Variants in MROH7 observed in about 807,000 individuals in gnomAD.
The protein encoded by MROH7 is maestro heat like repeat family member 7.
In MROH7, 113 loss-of-function variants were observed where a neutral mutation model predicts 129.2. The ratio of observed to expected loss-of-function variants is 0.87; its 90% CI spans 0.75 to 1.02. MROH7 has a LOEUF of 1.02. Ranked by LOEUF, MROH7 falls within the 50% of genes least tolerant of loss-of-function variation. The probability of loss-of-function intolerance (pLI) is 0.00; values close to 1 mark genes in which losing one functional copy is unlikely to be tolerated. For synonymous variants in MROH7, 655 were observed against 667.9 expected (o/e 0.98, Z 0.30); for missense variants, 1,601 against 1,671.3 (o/e 0.96, Z 0.73).
intron 14 of MROH7, among the ~76,000 whole-genome samples, chr1:54,683,909 C>T (rs6659406): frequency 0.22 from 33,998 of 152,152 alleles, 4,303 homozygotes; most frequent in Non-Finnish European, 0.27. Context: ...GCGTCACATA[C>T]TTTGTATGAA....
chr1:54,659,120 G>T (rs1376636980), intron 3 of MROH7: 1 of 442,378 alleles, frequency 2.3e-6, no homozygotes, highest in Non-Finnish European at 4.5e-6. Flanking sequence ...TTTAGATGGA[G>T]TTTCACTCTT....
chr1:54,656,460 A>C (rs1239967418), intron 3 of MROH7, among the ~76,000 whole-genome samples: 1 of 142,050 alleles, frequency 7.0e-6, no homozygotes, highest in East Asian at 2.2e-4. Context: ...CAGTGAGCCG[A>C]GATTGAGCCA....
In MROH7 at chr1:54,652,381, A is replaced by G. The variant is rs754753993; in HGVS notation, c.-75+398A>G. Among the ~76,000 whole-genome samples, 16 of 152,104 alleles carry G rather than the reference A, an allele frequency of 1.1e-4. 1 individual carries two copies. The highest frequency in any genetic ancestry group is 3.3e-4 in the Admixed American group (5 of 15,270). ...TCCTTCCCTTTTTCTGCCTTAAAGT[A>G]GAAGAGACTCCTCATTTGTCTATTT... On this transcript the variant is annotated intron_variant, in intron 2 of 23. Coordinates refer to ENST00000421030, the MANE Select transcript of MROH7 (RefSeq NM_001039464.4).
chr1:54,674,752 C>A (rs185115782), intron 10 of MROH7, among the ~76,000 whole-genome samples: 144 of 152,300 alleles, frequency 9.5e-4, no homozygotes, highest in African/African-American at 3.3e-3. Context: ...CCTAGAGGTG[C>A]ACAGTATCAG....
chr1:54,682,812 C>G lies in MROH7; in HGVS notation c.2520+18C>G. On this transcript the variant is annotated intron_variant, in intron 14 of 23. Coordinates refer to ENST00000421030, the MANE Select transcript of MROH7 (RefSeq NM_001039464.4). Reference sequence around the variant, plus strand: ...CCCTGGCGGTGAGCACCCAGTCAGCCAGCCCCTATTGCTGCCTGTCCTGCC... The same window carrying G: ...CCCTGGCGGTGAGCACCCAGTCAGCGAGCCCCTATTGCTGCCTGTCCTGCC... 1.2e-6 allele frequency: 2 copies of G among 1,606,502 alleles called. No homozygotes were observed. The highest frequency in any genetic ancestry group is 8.5e-7 in the Non-Finnish European group (1 of 1,178,674).
Position 54,653,540 on chromosome 1 carries a change from C to A in MROH7, c.614C>A (p.Thr205Asn). 1 of 1,614,160 alleles carries A rather than the reference C, an allele frequency of 6.2e-7. No individual in the cohort carries two copies. Among genetic ancestry groups the A allele is most frequent in the Non-Finnish European group, 8.5e-7 (1 of 1,180,030 alleles). ...AGCTCAAAAGCACTCCTTATTCCAA[C>A]CTCAAACTCTTCTCTGGACCTTGAC... ...RPSSKALLIPTSNSSLDLDSN... is the reference protein window; with the variant it reads ...RPSSKALLIPNSNSSLDLDSN... Residue 205 changes from threonine to asparagine, a missense_variant, in exon 3 of 24, where the codon ACC (threonine) becomes AAC (asparagine). Thr to Asn is a moderately conservative substitution (Grantham distance 65). Coordinates refer to ENST00000421030, the MANE Select transcript of MROH7 (RefSeq NM_001039464.4).
Position 54,702,656 on chromosome 1 carries a change from T to C in MROH7, c.3475T>C (p.Phe1159Leu), listed in dbSNP as rs377276727. The change falls in exon 21 of 24, where the codon TTC becomes CTC. Residue 1159 changes from phenylalanine to leucine, a missense_variant. Transcript: ENST00000421030. ...CVKTLLRCSY[F>L]MAWELPKRAY... is the part of the protein sequence containing the mutation. ...GAAGACCCTGTTACGCTGTTCTTAC[T>C]TCATGGCTTGGGAGTTGCCAAAAAG... is the stretch of plus-strand genomic sequence containing the variant. 4 of 1,613,930 alleles carry C rather than the reference T, an allele frequency of 2.5e-6. No individual in the cohort carries two copies. Among genetic ancestry groups the C allele is most frequent in the Non-Finnish European group, 2.5e-6 (3 of 1,179,882 alleles).
At chr1:54,693,665 G>A (rs576955197) in intron 16 of MROH7, among the ~76,000 whole-genome samples, 5 of 152,196 alleles carry the variant, frequency 3.3e-5, no homozygotes, top group African/African-American at 1.2e-4. Context: ...AGCTTCCCAC[G>A]GGGTCAAGAG....
intron 9 of MROH7, 79 bp downstream of exon 9, chr1:54,673,884 G>A: frequency 6.6e-7 from 1 of 1,521,524 alleles, no homozygotes; most frequent in South Asian, 1.1e-5. Context: ...TCTGTTCAGG[G>A]ATTCCCAGGT....
Position 54,678,841 on chromosome 1 carries a change from T to C in MROH7, c.2036T>C (p.Leu679Pro). 1.2e-6 allele frequency: 2 copies of C among 1,613,962 alleles called. No homozygotes were observed. The highest frequency in any genetic ancestry group is 1.7e-6 in the Non-Finnish European group (2 of 1,179,876). The change falls in exon 11 of 24, where the codon CTG becomes CCG. Residue 679 changes from leucine to proline, a missense_variant. Leu to Pro is a moderately conservative substitution (Grantham distance 98, BLOSUM62 -3). Coordinates refer to ENST00000421030, the MANE Select transcript of MROH7 (RefSeq NM_001039464.4). ...CCTGTGAGCCCGTGCCAGAACATTCTGCGGGTGATCGAGGTGACTGCCTGG... is the reference window on the plus strand; with the variant it reads ...CCTGTGAGCCCGTGCCAGAACATTCCGCGGGTGATCGAGGTGACTGCCTGG... Reference protein sequence around the residue: ...YNPVSPCQNILRVIEEFGDFL... With the variant: ...YNPVSPCQNIPRVIEEFGDFL...
intron 4 of MROH7, among the ~76,000 whole-genome samples, chr1:54,668,492 A>G (rs1279484954): frequency 1.3e-5 from 2 of 152,204 alleles, no homozygotes; most frequent in Non-Finnish European, 2.9e-5. Flanking sequence ...GAATGCCTCA[A>G]TCTGACTTGT....
At position 54,670,667 on chromosome 1, in the gene MROH7, A is replaced by G. The variant is rs1161017929; in HGVS notation, c.1469+91A>G. Reference sequence around the variant, plus strand: ...CATCTCTTCGCTGTACCCTCCCCCAACCCGCCCCCACCCCTCGCCCGGTGC... The same window carrying G: ...CATCTCTTCGCTGTACCCTCCCCCAGCCCGCCCCCACCCCTCGCCCGGTGC... On this transcript the variant is annotated intron_variant, in intron 6 of 23. Coordinates refer to ENST00000421030, the MANE Select transcript of MROH7 (RefSeq NM_001039464.4). 4.2e-6 allele frequency: 4 copies of G among 960,622 alleles called. No homozygotes were observed. The African/African-American group carries it at 5.7e-5, about 14-fold the overall frequency. The allele number at this position is 960,622 out of a possible 1,614,324, so 59.5% of individuals were successfully genotyped here. A position where few individuals can be genotyped will look rare whatever the true frequency, so the allele number is the denominator to read the frequency against.
At chr1:54,658,689 G>A (rs183953922) in intron 3 of MROH7, among the ~76,000 whole-genome samples, 1 of 151,916 alleles carries the variant, frequency 6.6e-6, no homozygotes, top group East Asian at 1.9e-4. Flanking sequence ...CTTCCCTTGT[G>A]TCCCTTTCCA....
At chr1:54,695,830 C>A (rs1645313476) in intron 17 of MROH7, 1 of 364,592 alleles carries the variant, frequency 2.7e-6, no homozygotes, top group African/African-American at 2.1e-5. Context: ...CAGAGGACAC[C>A]CCAGTTATAA....
chr1:54,670,374 G>A (rs1188652304), intron 5 of MROH7, 123 bp from the exon 6 acceptor site: 11 of 712,470 alleles, frequency 1.5e-5, no homozygotes, highest in Non-Finnish European at 2.6e-5. Context: ...GGAAGCTGAG[G>A]CGGGAGGAGC....
At chr1:54,657,842 G>T (rs2101077215) in intron 3 of MROH7, among the ~76,000 whole-genome samples, 1 of 152,124 alleles carries the variant, frequency 6.6e-6, no homozygotes, top group South Asian at 2.1e-4. Flanking sequence ...GGTAGTTTTA[G>T]TAGAGATGGG....
At chr1:54,681,124 G>A (rs957793670) in intron 13 of MROH7, among the ~76,000 whole-genome samples, 8 of 152,148 alleles carry the variant, frequency 5.3e-5, no homozygotes, top group African/African-American at 1.9e-4. Context: ...TAACATTTAA[G>A]GACATAGTCT....
intron 15 of MROH7, among the ~76,000 whole-genome samples, chr1:54,688,509 T>C (rs1487591724): frequency 6.6e-6 from 1 of 152,182 alleles, no homozygotes; most frequent in Non-Finnish European, 1.5e-5. Flanking sequence ...AACAGTTGTG[T>C]AGTGGGCTTG....
At chr1:54,688,856 C>T (rs1471009762) in intron 15 of MROH7, among the ~76,000 whole-genome samples, 1 of 152,042 alleles carries the variant, frequency 6.6e-6, no homozygotes, top group African/African-American at 2.4e-5. Context: ...AAATTCTTGA[C>T]CTTGGAGTGA....
Sources: gnomAD v4.1 joint callset for allele counts (sites outside exome capture counted in the v4.1 genomes callset) on GRCh38, gnomAD v4.1.1 for gene constraint, MANE v1.5 for transcripts, NCBI Gene and HGNC (gene_info 2026-07-23, HGNC 2026-07-21) for gene names.